Variants in PEAK1 observed in about 807,000 individuals in gnomAD.
PEAK1 encodes inactive tyrosine-protein kinase PEAK1.
A neutral mutation model predicts 124.7 loss-of-function variants in PEAK1; 54 were observed. The observed-to-expected ratio is 0.43, with a 90% CI of 0.35 to 0.54. The LOEUF (loss-of-function observed/expected upper bound fraction) is 0.54, where lower values mean the gene tolerates loss of function less well. PEAK1 is among the 20% of genes least tolerant of loss of function. The pLI, the probability that PEAK1 is intolerant of heterozygous loss-of-function variation, is 0.01. For synonymous variants in PEAK1, 719 were observed against 760.0 expected, an observed-to-expected ratio of 0.95 and a Z score of 0.89; for missense variants, 2,046 against 2,134.5, an observed-to-expected ratio of 0.96 and a Z score of 0.82.
chr15:77,335,611 T>C (rs918881477), intron 2 of PEAK1: 111 of 658,362 alleles, frequency 1.7e-4, no homozygotes, highest in Non-Finnish European at 2.0e-4. Flanking sequence ...CCTGAGTATC[T>C]AGGACTACAG....
intron 6 of PEAK1, among the ~76,000 whole-genome samples, chr15:77,241,916 T>C (rs1223018602): frequency 6.6e-6 from 1 of 152,058 alleles, no homozygotes; most frequent in Non-Finnish European, 1.5e-5. Flanking sequence ...AACTAATCCG[T>C]AGATTTAATA....
rs2057551725 is a variant in PEAK1 at position 77,186,449 on chromosome 15, C to T, written c.-114-4409G>A. 2.0e-5 allele frequency among the ~76,000 whole-genome samples: 3 copies of T among 152,272 alleles called. 1 individual carries two copies. In the South Asian group the frequency reaches 6.2e-4, roughly 32 times the overall value. ...CAACAGAATAGCCAAATGAGACTCA[C>T]CAGGAACACCATTTGCTTATGTCAG... On this transcript the variant is annotated intron_variant, in intron 6 of 9. Transcript: ENST00000682557.
Position 77,179,414 on chromosome 15 carries a change from G to C in PEAK1, c.2513C>G (p.Pro838Arg). 1 of 1,614,124 alleles carries C rather than the reference G, an allele frequency of 6.2e-7. No homozygotes were observed. Among genetic ancestry groups the C allele is most frequent in the Non-Finnish European group, 8.5e-7 (1 of 1,180,016 alleles). ...EAEAPQTTDS[P>R]TTKVQKDPSI... is the part of the protein sequence containing the mutation. ...TGGGTCTTTCTGTACTTTGGTGGTA[G>C]GACTGTCTGTGGTCTGAGGTGCTTC... is the stretch of plus-strand genomic sequence containing the variant. The change falls in exon 7 of 10, where the codon CCT (proline) becomes CGT (arginine). Residue 838 changes from proline (P) to arginine (R), a missense_variant. Physicochemically the swap from Pro to Arg is moderately radical, Grantham distance 103 (BLOSUM62 -2). Transcript: ENST00000682557.
chr15:77,312,255 G>A (rs1255508045), intron 2 of PEAK1, among the ~76,000 whole-genome samples: 2 of 151,962 alleles, frequency 1.3e-5, no homozygotes, highest in East Asian at 1.9e-4. Context: ...AGGTAACTGC[G>A]ACCAACTAAG....
chr15:77,375,549 C>T (rs1395711035), intron 1 of PEAK1, among the ~76,000 whole-genome samples: 2 of 152,174 alleles, frequency 1.3e-5, no homozygotes, highest in African/African-American at 4.8e-5. Flanking sequence ...ACTTCTGACC[C>T]TGATTTGGGA....
chr15:77,161,822 CG>C, intron 7 of PEAK1, among the ~76,000 whole-genome samples: 2 of 151,812 alleles, frequency 1.3e-5, no homozygotes, highest in Middle Eastern at 6.8e-3. Flanking sequence ...AAAAATTAGC[CG>C]GGTGTGGTGG....
At chr15:77,373,766 C>T (rs946131326) in intron 1 of PEAK1, among the ~76,000 whole-genome samples, 4 of 152,178 alleles carry the variant, frequency 2.6e-5, no homozygotes, top group African/African-American at 9.7e-5. Context: ...AGCCAAAGCA[C>T]AGGACACTGC....
intron 1 of PEAK1, among the ~76,000 whole-genome samples, chr15:77,380,723 T>C (rs1412763406): frequency 1.3e-5 from 2 of 151,896 alleles, no homozygotes; most frequent in Non-Finnish European, 2.9e-5. Context: ...AAGTGATCCA[T>C]CCACCTCAGC....
At chr15:77,387,249 T>C (rs2070032254) in intron 1 of PEAK1, among the ~76,000 whole-genome samples, 1 of 152,162 alleles carries the variant, frequency 6.6e-6, no homozygotes, top group Non-Finnish European at 1.5e-5. Context: ...AACAAATCCA[T>C]CAATAGACTT....
chr15:77,162,491 C>T (rs12912181), intron 7 of PEAK1, among the ~76,000 whole-genome samples: 10,104 of 85,304 alleles, frequency 0.12, 478 homozygotes, highest in Admixed American at 0.19. Context: ...AAGACTCCAT[C>T]TCAAAAAAAA....
chr15:77,247,485 CTTTTT>C (rs398028029), intron 6 of PEAK1, among the ~76,000 whole-genome samples: 762 of 84,290 alleles, frequency 9.0e-3, no homozygotes, highest in African/African-American at 0.034. Context: ...CTTTTCTTTT[CTTTTT>C]TTTTTTTTTT....
chr15:77,114,307 A>C lies in PEAK1; in HGVS notation c.5090T>G (p.Ile1697Ser). 2 of 1,614,204 alleles carry C rather than the reference A, an allele frequency of 1.2e-6. No individual in the cohort carries two copies. Among genetic ancestry groups the C allele is most frequent in the Non-Finnish European group, 1.7e-6 (2 of 1,180,036 alleles). ...CTTGATCATGAGCAGTGTTCGCTTG[A>C]TGTCTAGCCAGTTTTGGAGCAGGGT... Reference protein sequence around the residue: ...RNTLLQNWLDIKRTLLMIKFA... With the variant: ...RNTLLQNWLDSKRTLLMIKFA... The change falls in exon 10 of 10, where the codon ATC (isoleucine) becomes AGC (serine). Residue 1697 changes from isoleucine (I) to serine (S), a missense_variant. By Grantham distance (142) the Ile-to-Ser change is moderately radical (BLOSUM62 -2). Coordinates refer to ENST00000682557, the MANE Select transcript of PEAK1 (RefSeq NM_001385026.1).
chr15:77,332,095 G>T, intron 2 of PEAK1: 1 of 722,728 alleles, frequency 1.4e-6, no homozygotes, highest in Non-Finnish European at 1.7e-6. Flanking sequence ...CTGCATTCCA[G>T]CCTGGGTGAC....
At chr15:77,285,416 G>A (rs959411613) in intron 3 of PEAK1, among the ~76,000 whole-genome samples, 6 of 152,112 alleles carry the variant, frequency 3.9e-5, no homozygotes, top group African/African-American at 1.4e-4. Context: ...TTAAATGAAA[G>A]TAAATTCCTT....
intron 2 of PEAK1, among the ~76,000 whole-genome samples, chr15:77,322,620 A>T (rs1180698833): frequency 2.0e-5 from 3 of 152,202 alleles, no homozygotes; most frequent in African/African-American, 7.2e-5. Context: ...CAGGCTCTGA[A>T]ATTGAGGCAA....
At chr15:77,225,666 T>TTATTTATATATATA in intron 6 of PEAK1, among the ~76,000 whole-genome samples, 1 of 87,994 alleles carries the variant, frequency 1.1e-5, no homozygotes, top group Non-Finnish European at 2.3e-5. Flanking sequence ...TGTGTATAAT[T>TTATTTATATATATA]TATATATATA....
chr15:77,237,582 A>G (rs2060179773), intron 6 of PEAK1, among the ~76,000 whole-genome samples: 3 of 152,012 alleles, frequency 2.0e-5, no homozygotes, highest in Admixed American at 1.3e-4. Context: ...TTATCTCTAC[A>G]TATCAATTAC....
intron 9 of PEAK1, 56 bp from the exon 10 acceptor site, chr15:77,115,375 T>C (rs975604082): frequency 8.2e-6 from 12 of 1,472,100 alleles, no homozygotes; most frequent in Non-Finnish European, 1.1e-5. Flanking sequence ...GTTTATGATG[T>C]ATCAGGGAAG....
chr15:77,197,186 T>C (rs1449012274), intron 6 of PEAK1, among the ~76,000 whole-genome samples: 11 of 152,120 alleles, frequency 7.2e-5, no homozygotes, highest in Non-Finnish European at 4.4e-5. Context: ...TTTGAGACAT[T>C]TGTGCTTGTT....
Sources: gnomAD v4.1 joint callset for allele counts (sites outside exome capture counted in the v4.1 genomes callset) on GRCh38, gnomAD v4.1.1 for gene constraint, MANE v1.5 for transcripts, NCBI Gene and HGNC (gene_info 2026-07-23, HGNC 2026-07-21) for gene names.